CHN1: variants seen among roughly 807,000 people sequenced by gnomAD.
The protein encoded by CHN1 is chimerin 1, also known as N-chimaerin.
CHN1 carries 37 observed loss-of-function variants against 59.5 expected under a neutral mutation model. The ratio of observed to expected loss-of-function variants is 0.62; its 90% CI spans 0.48 to 0.82. The LOEUF (loss-of-function observed/expected upper bound fraction) is 0.82, where lower values mean the gene tolerates loss of function less well. Ranked by LOEUF, CHN1 falls within the 40% of genes least tolerant of loss-of-function variation. The pLI is 0.00. For missense variants in CHN1, 469 were observed against 571.0 expected, an observed-to-expected ratio of 0.82 and a Z score of 1.82; for synonymous variants, 206 against 200.4, an observed-to-expected ratio of 1.03 and a Z score of -0.24.
At chr2:174,812,743 A>T (rs1044815490) in intron 8 of CHN1, among the ~76,000 whole-genome samples, 1 of 152,236 alleles carries the variant, frequency 6.6e-6, no homozygotes, top group Non-Finnish European at 1.5e-5. Flanking sequence ...ACAACAAAAA[A>T]ATCAAAATTA....
chr2:174,931,106 A>G (rs193052829), intron 3 of CHN1, among the ~76,000 whole-genome samples: 88 of 150,142 alleles, frequency 5.9e-4, no homozygotes, highest in African/African-American at 2.1e-3. Context: ...GATAGCACTA[A>G]AAGACCACTT....
At chr2:174,801,864 A>G (rs2105370995) in intron 11 of CHN1, 52 bp from the exon 12 acceptor site, 3 of 1,289,780 alleles carry the variant, frequency 2.3e-6, no homozygotes, top group Non-Finnish European at 3.4e-6. Flanking sequence ...CAAAACTGAT[A>G]CAAATGGTTC....
chr2:175,000,308 A>C, intron 1 of CHN1, among the ~76,000 whole-genome samples: 1 of 151,536 alleles, frequency 6.6e-6, no homozygotes, highest in East Asian at 1.9e-4. Flanking sequence ...TGCCAGGCTA[A>C]TTTTTGTATT....
At position 174,800,130 on chromosome 2, in the gene CHN1, C is replaced by T; in HGVS notation, c.1366G>A (p.Asp456Asn). The change falls in exon 13 of 13, where the codon GAC (aspartate) becomes AAC (asparagine). Residue 456 changes from aspartate to asparagine, a missense_variant. Asp to Asn is a conservative substitution (Grantham distance 23, BLOSUM62 1). Around this residue, in one of 5 missense-constraint regions of CHN1, gnomAD observed 225 missense variants for 289.9 expected, o/e 0.78. Coordinates refer to ENST00000409900, the MANE Select transcript of CHN1 (RefSeq NM_001822.7). Reference sequence around the variant, plus strand: ...AAATTAAAAATTTAAAATAAAATGTCTTCGTTTTTGATAAGCAGCTCCACC... The same window carrying T: ...AAATTAAAAATTTAAAATAAAATGTTTTCGTTTTTGATAAGCAGCTCCACC... ...LVVELLIKNEDILF is the reference protein window; with the variant it reads ...LVVELLIKNENILF 6.4e-7 allele frequency: 1 copy of T among 1,574,188 alleles called. No homozygotes were observed. The highest frequency in any genetic ancestry group is 8.6e-7 in the Non-Finnish European group (1 of 1,162,790).
At position 174,877,897 on chromosome 2, in the gene CHN1, C is replaced by T. The variant is rs1188009212; in HGVS notation, c.492G>A (p.Leu164=). The change falls in exon 6 of 13, where the codon CTG becomes CTA. Residue 164 remains leucine, a synonymous_variant. Transcript: ENST00000409900. ...EPAYKKHMPV[L]KETHDERDST... is the part of the protein sequence containing the mutation. The stretch of plus-strand genomic sequence containing the variant: ...AATCTCTCTCATCATGTGTCTCTTT[C>T]AGGACTGGCATATGTTTTTTGTATG... 3 of 1,613,724 alleles carry T rather than the reference C, an allele frequency of 1.9e-6. No homozygotes were observed. The highest frequency in any genetic ancestry group is 2.5e-6 in the Non-Finnish European group (3 of 1,179,806).
At chr2:174,971,462 C>T (rs1316064334) in intron 1 of CHN1, among the ~76,000 whole-genome samples, 3 of 152,106 alleles carry the variant, frequency 2.0e-5, no homozygotes, top group Non-Finnish European at 2.9e-5. Context: ...ATAACAAATG[C>T]ACCTTAGGAT....
chr2:174,827,308 TA>T (rs1685720147), intron 7 of CHN1, among the ~76,000 whole-genome samples: 1 of 152,114 alleles, frequency 6.6e-6, no homozygotes, highest in Admixed American at 6.5e-5. Flanking sequence ...TATACAAAAA[TA>T]AAAAGGGGTT....
At chr2:174,969,801 G>C (rs1394287123) in intron 1 of CHN1, among the ~76,000 whole-genome samples, 22 of 152,026 alleles carry the variant, frequency 1.4e-4, no homozygotes, top group Non-Finnish European at 2.2e-4. Flanking sequence ...GATGAGGGCA[G>C]GATTTTTTTG....
chr2:174,921,046 T>C, intron 3 of CHN1: 1 of 404,710 alleles, frequency 2.5e-6, no homozygotes, highest in Non-Finnish European at 5.3e-6. Context: ...GCCGCTGATC[T>C]GAGAGGAGGC....
chr2:174,985,377 G>A (rs1691306318), intron 1 of CHN1, among the ~76,000 whole-genome samples: 1 of 152,122 alleles, frequency 6.6e-6, no homozygotes, highest in African/African-American at 2.4e-5. Context: ...TTAACACTGT[G>A]ATTGGGTAGA....
intron 6 of CHN1, among the ~76,000 whole-genome samples, chr2:174,866,611 A>G (rs1687223973): frequency 6.6e-6 from 1 of 152,236 alleles, no homozygotes; most frequent in Admixed American, 6.5e-5. Context: ...GCCACAAGAT[A>G]GCAAAATAGT....
chr2:174,951,373 C>A (rs1690021021), intron 2 of CHN1, among the ~76,000 whole-genome samples: 1 of 152,130 alleles, frequency 6.6e-6, no homozygotes, highest in Admixed American at 6.5e-5. Flanking sequence ...ATTTCAGCAA[C>A]CTACAATCAT....
intron 11 of CHN1, among the ~76,000 whole-genome samples, chr2:174,804,725 C>T (rs187522019): frequency 2.0e-5 from 3 of 152,244 alleles, no homozygotes; most frequent in African/African-American, 4.8e-5. Context: ...GCAGCGAGGA[C>T]GAGGCCTCTA....
Position 174,824,521 on chromosome 2 carries a change from GAAA to G in CHN1, c.628-6_628-4del, listed in dbSNP as rs375494218. ...TGTGGCCCTCTGAATGTATGCACCT[GAAA>G]AAAAAAAAGAGGGGCAAAGTCAGGA... On this transcript the variant is annotated splice_region_variant and splice_polypyrimidine_tract_variant and intron_variant, in intron 7 of 12. Transcript: ENST00000409900. The G allele has an allele frequency of 5.6e-6, 7 of 1,251,490 alleles. No individual in the cohort carries two copies. Among genetic ancestry groups the G allele is most frequent in the Non-Finnish European group, 6.5e-6 (6 of 921,540 alleles). 77.5% of individuals were successfully genotyped at this position (1,251,490 alleles called of 1,614,324 possible). A position where few individuals can be genotyped will look rare whatever the true frequency, so the allele number is the denominator to read the frequency against.
rs191372265 is a variant in CHN1, at chr2:174,831,732, C to T, written c.628-7214G>A. Among the ~76,000 whole-genome samples, 4 of 152,204 alleles carry T rather than the reference C, an allele frequency of 2.6e-5. No homozygotes were observed. In the East Asian group the frequency reaches 7.7e-4, roughly 29 times the overall value. On this transcript the variant is annotated intron_variant, in intron 7 of 12. Coordinates refer to ENST00000409900, the MANE Select transcript of CHN1 (RefSeq NM_001822.7). ...TTCCCCTGATAGTTTTGCCTCCAAACTGAATCATGCTCAAGGTTCAAAAAT... is the reference window on the plus strand; with the variant it reads ...TTCCCCTGATAGTTTTGCCTCCAAATTGAATCATGCTCAAGGTTCAAAAAT...
intron 5 of CHN1, among the ~76,000 whole-genome samples, chr2:174,889,886 T>C (rs1040450224): frequency 6.6e-6 from 1 of 151,618 alleles, no homozygotes; most frequent in Non-Finnish European, 1.5e-5. Context: ...TAAATATGTG[T>C]GTGTGTGTGT....
At chr2:174,801,186 C>T (rs1351306815) in intron 12 of CHN1, among the ~76,000 whole-genome samples, 1 of 152,186 alleles carries the variant, frequency 6.6e-6, no homozygotes, top group Non-Finnish European at 1.5e-5. Flanking sequence ...TGAAATACTT[C>T]GTTTTCCATT....
At chr2:174,838,831 A>G (rs1424725761) in intron 7 of CHN1, among the ~76,000 whole-genome samples, 1 of 152,042 alleles carries the variant, frequency 6.6e-6, no homozygotes, top group South Asian at 2.1e-4. Context: ...CCTGACCAAC[A>G]TGGCGAAACC....
intron 11 of CHN1, among the ~76,000 whole-genome samples, chr2:174,808,001 T>C (rs1008095145): frequency 6.6e-6 from 1 of 152,198 alleles, no homozygotes; most frequent in Non-Finnish European, 1.5e-5. Flanking sequence ...CTTTAAAAAA[T>C]GAAGTGTGAA....
Sources: allele counts gnomAD v4.1 joint callset (sites outside exome capture counted in the v4.1 genomes callset), GRCh38; gene constraint gnomAD v4.1.1; regional missense constraint gnomAD v4.1.1; transcripts MANE v1.5; gene names NCBI Gene and HGNC (gene_info 2026-07-23, HGNC 2026-07-21).